The following CNTN3 variants were observed in gnomAD, a reference collection of about 807,000 sequenced individuals.
The protein encoded by CNTN3 is contactin-3.
A neutral mutation model predicts 119.1 loss-of-function variants in CNTN3; 60 were observed. That is an observed-to-expected ratio of 0.50 (90% confidence interval 0.41 to 0.62). CNTN3 has a LOEUF of 0.62. Among genes scored for constraint, CNTN3 ranks in the 20% least tolerant of loss-of-function variants. The probability of loss-of-function intolerance (pLI) is 0.00; values close to 1 mark genes in which losing one functional copy is unlikely to be tolerated. For synonymous variants in CNTN3, 450 were observed against 438.7 expected, an observed-to-expected ratio of 1.03 and a Z score of -0.32; for missense variants, 1,101 against 1,242.4, an observed-to-expected ratio of 0.89 and a Z score of 1.71.
chr3:74,505,235 G>C (rs1158439231), intron 2 of CNTN3, among the ~76,000 whole-genome samples: 1 of 151,912 alleles, frequency 6.6e-6, no homozygotes, highest in African/African-American at 2.4e-5. Context: ...ATGTGAATTG[G>C]GGATGAGGGT....
intron 4 of CNTN3, among the ~76,000 whole-genome samples, chr3:74,447,611 G>A (rs186131306): frequency 1.7e-4 from 26 of 152,312 alleles, no homozygotes; most frequent in African/African-American, 5.5e-4. Flanking sequence ...GTTGAATTTA[G>A]TTAACAGGTC....
intron 8 of CNTN3, among the ~76,000 whole-genome samples, chr3:74,368,579 G>T (rs1704255920): frequency 6.6e-6 from 1 of 151,760 alleles, no homozygotes; most frequent in African/African-American, 2.4e-5. Flanking sequence ...TCAAAAAAAG[G>T]CAATCTAATT....
At position 74,289,850 on chromosome 3, in the gene CNTN3, T is replaced by A. The variant is rs538116846; in HGVS notation, c.2518-4359A>T. ...ACTCCAGGCACTTGGGATAGATCAA[T>A]GAGGAAAAAGGCTGAGTTACCTTCT... On this transcript the variant is annotated intron_variant, in intron 19 of 22. Coordinates refer to ENST00000263665, the MANE Select transcript of CNTN3 (RefSeq NM_020872.3). Among the ~76,000 whole-genome samples, 7 of 152,346 alleles carry A rather than the reference T, an allele frequency of 4.6e-5. 1 individual carries two copies. Among genetic ancestry groups the A allele is most frequent in the African/African-American group, 1.7e-4 (7 of 41,588 alleles).
chr3:74,421,688 A>T lies in CNTN3; in HGVS notation c.454+3157T>A, dbSNP rs115161246. On this transcript the variant is annotated intron_variant, in intron 5 of 22. Transcript: ENST00000263665. Reference sequence around the variant, plus strand: ...GTATGGGAGACAGAGAAGGGCAAGCACATGTCCTGCAGGGACTGTGCGACT... The same window carrying T: ...GTATGGGAGACAGAGAAGGGCAAGCTCATGTCCTGCAGGGACTGTGCGACT... Among the ~76,000 whole-genome samples, 624 of 152,352 alleles carry T rather than the reference A, an allele frequency of 4.1e-3. 1 individual carries two copies. The highest frequency in any genetic ancestry group is 7.4e-3 in the Non-Finnish European group (501 of 68,024).
At chr3:74,525,818 T>C (rs1703611603) in intron 1 of CNTN3, among the ~76,000 whole-genome samples, 1 of 151,886 alleles carries the variant, frequency 6.6e-6, no homozygotes. Flanking sequence ...ATGCTCTAAA[T>C]AGTTGTGCCT....
intron 1 of CNTN3, among the ~76,000 whole-genome samples, chr3:74,580,999 G>A (rs1186207254): frequency 6.6e-6 from 1 of 152,200 alleles, no homozygotes; most frequent in Non-Finnish European, 1.5e-5. Flanking sequence ...TGGGATTACA[G>A]GCGTGAGCCA....
chr3:74,325,614 C>G (rs1575727843), intron 13 of CNTN3, among the ~76,000 whole-genome samples: 1 of 152,080 alleles, frequency 6.6e-6, no homozygotes, highest in East Asian at 1.9e-4. Context: ...TCCTGGGGAA[C>G]AATTTAGAAA....
At chr3:74,318,326 T>C (rs1163495819) in intron 13 of CNTN3, among the ~76,000 whole-genome samples, 5 of 152,228 alleles carry the variant, frequency 3.3e-5, no homozygotes, top group African/African-American at 4.8e-5. Flanking sequence ...TGAAGTCTTC[T>C]TCTCTCAGCT....
intron 4 of CNTN3, among the ~76,000 whole-genome samples, chr3:74,431,370 G>T (rs1701780547): frequency 6.6e-6 from 1 of 152,108 alleles, no homozygotes; most frequent in Admixed American, 6.5e-5. Flanking sequence ...CAGAGTATGT[G>T]AAATACCACT....
At chr3:74,557,861 C>A (rs541763751) in intron 1 of CNTN3, among the ~76,000 whole-genome samples, 2 of 152,214 alleles carry the variant, frequency 1.3e-5, no homozygotes, top group East Asian at 3.9e-4. Flanking sequence ...TTAGCTGCTC[C>A]CTGGTAAATT....
At chr3:74,441,264 C>T (rs1204002999) in intron 4 of CNTN3, among the ~76,000 whole-genome samples, 1 of 151,948 alleles carries the variant, frequency 6.6e-6, no homozygotes, top group Non-Finnish European at 1.5e-5. Context: ...CACTATACCC[C>T]AAAATACACT....
At chr3:74,587,437 C>A (rs570568558) in intron 1 of CNTN3, among the ~76,000 whole-genome samples, 2,500 of 152,152 alleles carry the variant, frequency 0.016, 59 homozygotes, top group African/African-American at 0.055. Context: ...TACGTCATTA[C>A]AAGACTGGAA....
intron 1 of CNTN3, among the ~76,000 whole-genome samples, chr3:74,557,644 G>C (rs1704090570): frequency 6.7e-6 from 1 of 149,854 alleles, no homozygotes; most frequent in Non-Finnish European, 1.5e-5. Flanking sequence ...TTTCCGCCAG[G>C]AACACAGCCA....
intron 11 of CNTN3, among the ~76,000 whole-genome samples, chr3:74,337,053 C>G (rs1414011012): frequency 6.6e-6 from 1 of 152,096 alleles, no homozygotes; most frequent in African/African-American, 2.4e-5. Flanking sequence ...AGGCAGAACA[C>G]TATGTCTCTT....
intron 1 of CNTN3, among the ~76,000 whole-genome samples, chr3:74,567,625 C>T (rs1446203664): frequency 6.6e-6 from 1 of 152,104 alleles, no homozygotes; most frequent in Non-Finnish European, 1.5e-5. Context: ...GGGGCACTTG[C>T]ATATCCTCCA....
chr3:74,369,878 A>G lies in CNTN3; in HGVS notation c.761+11T>C. On this transcript the variant is annotated intron_variant, in intron 7 of 22. Coordinates refer to ENST00000263665, the MANE Select transcript of CNTN3 (RefSeq NM_020872.3). ...ATTTCAGCACATAGGAGTAAATGTT[A>G]TAAAACTTACTTTCCAAGGGCAAAA... 6.7e-7 allele frequency: 1 copy of G among 1,501,732 alleles called. No individual in the cohort carries two copies. The highest frequency in any genetic ancestry group is 9.3e-7 in the Non-Finnish European group (1 of 1,080,682). 93.0% of individuals were successfully genotyped at this position (1,501,732 alleles called of 1,614,324 possible).
intron 4 of CNTN3, among the ~76,000 whole-genome samples, chr3:74,449,911 G>A (rs13084611): frequency 0.29 from 43,921 of 151,838 alleles, 6,435 homozygotes; most frequent in Non-Finnish European, 0.32. Flanking sequence ...GGACCATAAG[G>A]CAATTTAATG....
At chr3:74,557,980 T>G (rs1350013177) in intron 1 of CNTN3, among the ~76,000 whole-genome samples, 1 of 152,154 alleles carries the variant, frequency 6.6e-6, no homozygotes, top group African/African-American at 2.4e-5. Flanking sequence ...ATAGTTCCCC[T>G]TCAGAATGAA....
intron 19 of CNTN3, among the ~76,000 whole-genome samples, chr3:74,287,591 A>C (rs1032733101): frequency 6.6e-6 from 1 of 152,196 alleles, no homozygotes; most frequent in African/African-American, 2.4e-5. Context: ...AAATGCATTA[A>C]AGGTCTTTTA....
Sources: gnomAD v4.1 joint callset for allele counts (sites outside exome capture counted in the v4.1 genomes callset) on GRCh38, gnomAD v4.1.1 for gene constraint, MANE v1.5 for transcripts, NCBI Gene and HGNC (gene_info 2026-07-23, HGNC 2026-07-21) for gene names.